Variants in CNOT1 observed in about 807,000 individuals in gnomAD.
CNOT1 encodes the protein CCR4-associated factor 1.
Under a neutral mutation model 273.8 loss-of-function variants are expected in CNOT1, and 15 were observed. The ratio of observed to expected loss-of-function variants is 0.05; its 90% CI spans 0.04 to 0.08. The LOEUF (loss-of-function observed/expected upper bound fraction) is 0.08. CNOT1 is among the 10% of genes least tolerant of loss of function. The pLI, the probability that CNOT1 is intolerant of heterozygous loss-of-function variation, is 1.00. For missense variants in CNOT1, 1,644 were observed against 2,912.2 expected (o/e 0.56, Z 10.02); for synonymous variants, 1,022 against 1,005.5 (o/e 1.02, Z -0.31).
At chr16:58,521,658 G>C (rs945415306) in intron 47 of CNOT1, among the ~76,000 whole-genome samples, 2 of 152,202 alleles carry the variant, frequency 1.3e-5, no homozygotes, top group Non-Finnish European at 2.9e-5. Flanking sequence ...GTAATTTCCA[G>C]AATGAGCTCC....
intron 10 of CNOT1, 100 bp downstream of exon 10, chr16:58,582,693 T>C (rs2041698700): frequency 2.7e-6 from 2 of 739,800 alleles, no homozygotes; most frequent in South Asian, 3.2e-5. Flanking sequence ...ACTTTATTAC[T>C]TTTTGAGTTA....
chr16:58,544,688 C>T (rs2040201371), intron 30 of CNOT1, among the ~76,000 whole-genome samples: 1 of 152,100 alleles, frequency 6.6e-6, no homozygotes. Context: ...TATTTGTGAA[C>T]ATTTTCAGTT....
chr16:58,554,943 A>G (rs1451057529), intron 21 of CNOT1, among the ~76,000 whole-genome samples: 1 of 148,196 alleles, frequency 6.7e-6, no homozygotes, highest in African/African-American at 2.5e-5. Context: ...CTCAAAAAAA[A>G]AAAAAAAAAA....
chr16:58,555,118 G>T, intron 21 of CNOT1, 133 bp downstream of exon 21: 3 of 1,289,396 alleles, frequency 2.3e-6, no homozygotes, highest in Non-Finnish European at 2.1e-6. Flanking sequence ...TGAAGTGGGA[G>T]AATCACTTGA....
At chr16:58,625,415 G>C (rs1346522401) in intron 1 of CNOT1, among the ~76,000 whole-genome samples, 2 of 152,168 alleles carry the variant, frequency 1.3e-5, no homozygotes, top group Non-Finnish European at 2.9e-5. Context: ...AGGAGGCTGA[G>C]GCAGGAGAAT....
intron 40 of CNOT1, among the ~76,000 whole-genome samples, chr16:58,533,798 C>G (rs2039848765): frequency 6.6e-6 from 1 of 152,122 alleles, no homozygotes; most frequent in Admixed American, 6.5e-5. Context: ...GCACTCCAGT[C>G]TGGGCGACAG....
intron 1 of CNOT1, among the ~76,000 whole-genome samples, chr16:58,616,500 T>A (rs1300160552): frequency 2.6e-5 from 4 of 151,886 alleles, no homozygotes. Context: ...CAAGCAGTCC[T>A]CCCACCTCAG....
chr16:58,556,754 C>T (rs938148132), intron 19 of CNOT1, 93 bp downstream of exon 19: 1 of 1,508,334 alleles, frequency 6.6e-7, no homozygotes, highest in African/African-American at 1.4e-5. Flanking sequence ...CTAGGAGGCA[C>T]ATCAACACAT....
At chr16:58,556,381 T>A (rs1182441841) in intron 19 of CNOT1, among the ~76,000 whole-genome samples, 1 of 152,248 alleles carries the variant, frequency 6.6e-6, no homozygotes, top group Non-Finnish European at 1.5e-5. Context: ...GTGTCATGAC[T>A]ATGCAGTCCC....
intron 45 of CNOT1, among the ~76,000 whole-genome samples, 164 bp downstream of exon 45, chr16:58,525,825 T>A (rs777451139): frequency 6.6e-6 from 1 of 152,244 alleles, no homozygotes; most frequent in South Asian, 2.1e-4. Flanking sequence ...AAAATATCAC[T>A]GATTAAATGA....
At chr16:58,625,593 A>G (rs962238899) in intron 1 of CNOT1, among the ~76,000 whole-genome samples, 2 of 152,114 alleles carry the variant, frequency 1.3e-5, no homozygotes, top group African/African-American at 4.8e-5. Context: ...CTGAGGCAGG[A>G]GAATCACTTG....
chr16:58,591,399 C>A (rs1317395313), intron 2 of CNOT1, among the ~76,000 whole-genome samples: 2 of 152,136 alleles, frequency 1.3e-5, no homozygotes, highest in South Asian at 4.1e-4. Flanking sequence ...ATTTTTTTCC[C>A]ATGCAGATTA....
At chr16:58,607,062 AG>A (rs2042707759) in intron 1 of CNOT1, among the ~76,000 whole-genome samples, 1 of 152,188 alleles carries the variant, frequency 6.6e-6, no homozygotes, top group Admixed American at 6.6e-5. Context: ...TGTCAACAAA[AG>A]TATACTCATG....
chr16:58,581,291 A>G, intron 11 of CNOT1, 54 bp downstream of exon 11: 1 of 1,539,230 alleles, frequency 6.5e-7, no homozygotes, highest in Non-Finnish European at 8.7e-7. Context: ...GGCACTACAT[A>G]AAGAATAAGT....
chr16:58,584,220 T>TA (rs1233518371), intron 8 of CNOT1, among the ~76,000 whole-genome samples: 2 of 152,088 alleles, frequency 1.3e-5, no homozygotes, highest in African/African-American at 4.8e-5. Context: ...AGTAATGCTC[T>TA]CTTTCACAAT....
intron 16 of CNOT1, among the ~76,000 whole-genome samples, chr16:58,569,566 A>C (rs947188472): frequency 6.6e-6 from 1 of 151,970 alleles, no homozygotes; most frequent in Non-Finnish European, 1.5e-5. Flanking sequence ...CAGATACTAC[A>C]CTCTACAACA....
intron 27 of CNOT1, 33 bp from the exon 28 acceptor site, chr16:58,546,782 A>G (rs2040269361): frequency 6.2e-7 from 1 of 1,612,980 alleles, no homozygotes; most frequent in Non-Finnish European, 8.5e-7. Flanking sequence ...AGCTGGCCCA[A>G]AATGTGCCCT....
intron 14 of CNOT1, among the ~76,000 whole-genome samples, chr16:58,576,031 A>T (rs1437960020): frequency 1.3e-5 from 2 of 152,168 alleles, no homozygotes; most frequent in African/African-American, 4.8e-5. Flanking sequence ...GAAACCTCTA[A>T]ATCTCATCTC....
At chr16:58,621,177 G>A (rs1049215383) in intron 1 of CNOT1, among the ~76,000 whole-genome samples, 1 of 152,084 alleles carries the variant, frequency 6.6e-6, no homozygotes, top group East Asian at 1.9e-4. Flanking sequence ...GCCCAGGGTG[G>A]TCTGAAACTC....
Sources: allele counts gnomAD v4.1 joint callset (sites outside exome capture counted in the v4.1 genomes callset), GRCh38; gene constraint gnomAD v4.1.1; transcripts MANE v1.5; gene names NCBI Gene and HGNC (gene_info 2026-07-23, HGNC 2026-07-21).